CACNG7: variants seen among roughly 807,000 people sequenced by gnomAD.
CACNG7 encodes calcium voltage-gated channel auxiliary subunit gamma 7, also known as voltage-dependent calcium channel gamma-7 subunit.
CACNG7 carries 9 observed loss-of-function variants against 26.3 expected under a neutral mutation model. That is an observed-to-expected ratio of 0.34 (90% confidence interval 0.21 to 0.60). The LOEUF (loss-of-function observed/expected upper bound fraction) is 0.60, where lower values mean the gene tolerates loss of function less well. Among genes scored for constraint, CACNG7 ranks in the 20% least tolerant of loss-of-function variants. CACNG7 has a pLI of 0.81. For synonymous variants in CACNG7, 170 were observed against 157.0 expected, an observed-to-expected ratio of 1.08 and a Z score of -0.62; for missense variants, 297 against 380.4, an observed-to-expected ratio of 0.78 and a Z score of 1.82.
intron 4 of CACNG7, among the ~76,000 whole-genome samples, chr19:53,921,217 TATTGGTGGAGTTGCCCCAGGTCTGGTC>T (rs1555810521): frequency 1.2e-4 from 5 of 41,310 alleles, no homozygotes; most frequent in African/African-American, 4.0e-4. Flanking sequence ...CCAGGCCTGG[TATTGGTGGAGTTGCCCCAGGTCTGGTC>T]ATTGGTGGAG....
At position 53,912,491 on chromosome 19, in the gene CACNG7, C is replaced by T. The variant is rs147000012; in HGVS notation, c.-29-312C>T. Among the ~76,000 whole-genome samples the T allele has an allele frequency of 4.5e-3, 687 of 152,256 alleles. 4 individuals carry two copies. Among genetic ancestry groups the T allele is most frequent in the Non-Finnish European group, 7.7e-3 (527 of 68,012 alleles). Reference sequence around the variant, plus strand: ...GACCCAGGTCCAAACACGGTTGGAGCCAAGATTCAATCTCTGGGCCTGGGC... The same window carrying T: ...GACCCAGGTCCAAACACGGTTGGAGTCAAGATTCAATCTCTGGGCCTGGGC... On this transcript the variant is annotated intron_variant, in intron 1 of 5. Coordinates refer to ENST00000391767, the MANE Select transcript of CACNG7 (RefSeq NM_031896.5). The surrounding 1 kb of genome is among the most constrained non-coding windows in gnomAD (Gnocchi z 4.6).
intron 4 of CACNG7, among the ~76,000 whole-genome samples, chr19:53,927,890 A>T (rs1334099266): frequency 6.6e-6 from 1 of 151,884 alleles, no homozygotes; most frequent in Non-Finnish European, 1.5e-5. Flanking sequence ...ACAGAGGTCG[A>T]CGCCAGTGCA....
chr19:53,925,900 C>T (rs1000195198), intron 4 of CACNG7, among the ~76,000 whole-genome samples: 44 of 152,160 alleles, frequency 2.9e-4, no homozygotes, highest in African/African-American at 1.1e-3. Flanking sequence ...AGATGACTGA[C>T]TGGATGTGGT....
rs567105387 is a variant in CACNG7, at chr19:53,918,912, G to A, written c.424+3407G>A. ...GCCTCCCGAGTAGCTGGGATTACAG[G>A]CATGTGCCAGTGCACCCGGCTAATT... On this transcript the variant is annotated intron_variant, in intron 4 of 5. Coordinates refer to ENST00000391767, the MANE Select transcript of CACNG7 (RefSeq NM_031896.5). Among the ~76,000 whole-genome samples the A allele has an allele frequency of 7.2e-4, 110 of 152,244 alleles. 1 individual carries two copies. The highest frequency in any genetic ancestry group is 1.3e-3 in the Non-Finnish European group (90 of 68,010).
chr19:53,922,991 A>ACTGGTCATTGGTGCAGTTGCCCCAGGC (rs1568775850), intron 4 of CACNG7, among the ~76,000 whole-genome samples: 2 of 36,610 alleles, frequency 5.5e-5, no homozygotes, highest in Non-Finnish European at 9.1e-5. Context: ...TTGTCCCAGG[A>ACTGGTCATTGGTGCAGTTGCCCCAGGC]CTGGTCATTG....
chr19:53,934,996 C>CATAT (rs1006654146), intron 4 of CACNG7, among the ~76,000 whole-genome samples: 4 of 150,634 alleles, frequency 2.7e-5, no homozygotes, highest in Non-Finnish European at 5.9e-5. Flanking sequence ...TCTCTCTCTC[C>CATAT]ATATATATAT....
chr19:53,911,570 G>A (rs3810247), intron 1 of CACNG7, among the ~76,000 whole-genome samples: 26,443 of 152,070 alleles, frequency 0.17, 6,684 homozygotes, highest in African/African-American at 0.56. Context: ...TGGGTTTTAA[G>A]ACGGGGTGCA....
intron 4 of CACNG7, among the ~76,000 whole-genome samples, chr19:53,917,144 T>C (rs1429955257): frequency 6.6e-6 from 1 of 152,042 alleles, no homozygotes; most frequent in African/African-American, 2.4e-5. Context: ...TTCAACTCAG[T>C]CCAATCCAAT....
chr19:53,916,822 G>A (rs1243199849), intron 4 of CACNG7, among the ~76,000 whole-genome samples: 4 of 134,374 alleles, frequency 3.0e-5, no homozygotes, highest in Non-Finnish European at 6.4e-5. Flanking sequence ...TTTTGAGACG[G>A]AGTCTCCCTC....
At chr19:53,928,261 G>GTATT (rs111971167) in intron 4 of CACNG7, among the ~76,000 whole-genome samples, 26 of 150,740 alleles carry the variant, frequency 1.7e-4, no homozygotes, top group East Asian at 9.7e-4. Flanking sequence ...ATGGAGATTG[G>GTATT]TATTTATTTA....
chr19:53,916,200 T>A (rs1029911776), intron 4 of CACNG7, among the ~76,000 whole-genome samples: 8 of 152,216 alleles, frequency 5.3e-5, no homozygotes, highest in African/African-American at 9.6e-5. Flanking sequence ...ATCGTACACG[T>A]GATTAGCTAG....
Position 53,941,516 on chromosome 19 carries a change from C to T in CACNG7, c.471C>T (p.Asn157=). ...VGLVLYISSI[N]DEVMNRPSSS... is the part of the protein sequence containing the mutation. ...TGGTTCTTTACATCTCCAGCATCAA[C>T]GACGAGGTCATGAACAGGCCCAGCA... The change falls in exon 5 of 6, where the codon AAC becomes AAT. Residue 157 remains asparagine, a synonymous_variant. Coordinates refer to ENST00000391767, the MANE Select transcript of CACNG7 (RefSeq NM_031896.5). 2 of 1,598,474 alleles carry T rather than the reference C, an allele frequency of 1.3e-6. No individual in the cohort carries two copies. The highest frequency in any genetic ancestry group is 1.4e-5 in the African/African-American group (1 of 73,816).
intron 4 of CACNG7, among the ~76,000 whole-genome samples, chr19:53,933,314 T>C (rs2069085525): frequency 6.8e-6 from 1 of 147,886 alleles, no homozygotes; most frequent in Non-Finnish European, 1.5e-5. Context: ...TTTTTTTTTT[T>C]TTTTGAGATG....
Position 53,912,799 on chromosome 19 carries a change from A to G in CACNG7, c.-29-4A>G. The G allele has an allele frequency of 6.2e-7, 1 of 1,606,748 alleles. No homozygotes were observed. The highest frequency in any genetic ancestry group is 8.5e-7 in the Non-Finnish European group (1 of 1,179,076). On this transcript the variant is annotated splice_polypyrimidine_tract_variant and splice_region_variant and intron_variant, in intron 1 of 5. Transcript: ENST00000391767. This position sits in a 1 kb window ranked among gnomAD's most constrained non-coding sequence, Gnocchi z 4.6. Reference sequence around the variant, plus strand: ...AGCTCTGCACTGTAGCTTCCCTTCCACAGGCCCCGCAGGGCGCCCCCTGCC... The same window carrying G: ...AGCTCTGCACTGTAGCTTCCCTTCCGCAGGCCCCGCAGGGCGCCCCCTGCC...
At chr19:53,911,652 C>T (rs1390800627) in intron 1 of CACNG7, among the ~76,000 whole-genome samples, 1 of 152,104 alleles carries the variant, frequency 6.6e-6, no homozygotes, top group Non-Finnish European at 1.5e-5. Context: ...GATCGGCTAC[C>T]TGGGATGGAG....
At chr19:53,941,998 G>A (rs759102024) in intron 5 of CACNG7, 38 bp from the exon 6 acceptor site, 3 of 1,539,910 alleles carry the variant, frequency 1.9e-6, no homozygotes, top group Admixed American at 1.9e-5. Flanking sequence ...GGATGCGCAG[G>A]GGGGCGCCCC....
In CACNG7 at chr19:53,940,374, C is replaced by T. The variant is rs184945085; in HGVS notation, c.425-1096C>T. 1.3e-5 allele frequency among the ~76,000 whole-genome samples: 2 copies of T among 152,128 alleles called. No individual in the cohort carries two copies. Among genetic ancestry groups the T allele is most frequent in the Admixed American group, 6.6e-5 (1 of 15,258 alleles). ...GGCACAGACCAAGACCTATATAAGTCGTTGCTATTATTATTGCTATTGTTG... is the reference window on the plus strand; with the variant it reads ...GGCACAGACCAAGACCTATATAAGTTGTTGCTATTATTATTGCTATTGTTG... On this transcript the variant is annotated intron_variant, in intron 4 of 5. Transcript: ENST00000391767. The surrounding 1 kb of genome is among the most constrained non-coding windows in gnomAD (Gnocchi z 4.1).
chr19:53,941,073 A>G (rs1029292280), intron 4 of CACNG7, among the ~76,000 whole-genome samples: 11 of 151,692 alleles, frequency 7.3e-5, no homozygotes, highest in African/African-American at 2.4e-4. Context: ...AAAAAAAAAA[A>G]AGAGAGAAAA....
chr19:53,914,611 G>C (rs111577643), intron 3 of CACNG7, 25 bp downstream of exon 3: 1 of 1,593,772 alleles, frequency 6.3e-7, no homozygotes, highest in Middle Eastern at 1.7e-4. Flanking sequence ...GGGCACCTAG[G>C]CACAAGACAG....
Sources: gnomAD v4.1 joint callset for allele counts (sites outside exome capture counted in the v4.1 genomes callset) on GRCh38, gnomAD v4.1.1 for gene constraint, Gnocchi (gnomAD v3.1) non-coding constraint, MANE v1.5 for transcripts, NCBI Gene and HGNC (gene_info 2026-07-23, HGNC 2026-07-21) for gene names.